Variants in OR3A2 observed in about 807,000 individuals in gnomAD.
OR3A2 encodes olfactory receptor family 3 subfamily A member 2, also known as olfactory receptor 3A2.
For synonymous variants in OR3A2, 126 were observed against 159.3 expected, an observed-to-expected ratio of 0.79 and a Z score of 1.57; for missense variants, 318 against 392.8, an observed-to-expected ratio of 0.81 and a Z score of 1.61.
rs1384726020 is a variant in OR3A2, at chr17:3,321,713, C to A, written c.-85+14320G>T. 2.0e-5 allele frequency among the ~76,000 whole-genome samples: 3 copies of A among 152,326 alleles called. No homozygotes were observed. The East Asian group carries it at 5.8e-4, about 29-fold the overall frequency. ...ATTGGCATATGTTGAACCAGCCTTG[C>A]ATCCCAGGGATGAAGCCCACTTGAT... On this transcript the variant is annotated intron_variant, in intron 3 of 4. Coordinates refer to the OR3A2 transcript ENST00000573491.
intron 2 of OR3A2, among the ~76,000 whole-genome samples, chr17:3,372,552 G>A (rs199555313): frequency 0.26 from 38,692 of 151,500 alleles, 6,027 homozygotes; most frequent in East Asian, 0.52. Context: ...CTGAGTGAAC[G>A]AGACTCCGTC....
chr17:3,304,300 C>G (rs1567548506), intron 3 of OR3A2, among the ~76,000 whole-genome samples: 1 of 152,186 alleles, frequency 6.6e-6, no homozygotes, highest in Non-Finnish European at 1.5e-5. Context: ...ACCTGCAGGA[C>G]TCTGGAGCTG....
chr17:3,346,794 T>C (rs1358820342), intron 2 of OR3A2, among the ~76,000 whole-genome samples: 1 of 152,202 alleles, frequency 6.6e-6, no homozygotes, highest in Non-Finnish European at 1.5e-5. Flanking sequence ...CACATGATGT[T>C]TGACTTCCTG....
At chr17:3,348,601 A>G (rs537119229) in intron 2 of OR3A2, among the ~76,000 whole-genome samples, 3 of 152,176 alleles carry the variant, frequency 2.0e-5, no homozygotes, top group South Asian at 2.1e-4. Context: ...GTTGGAAAAC[A>G]CTCTGCAGGA....
intron 3 of OR3A2, among the ~76,000 whole-genome samples, chr17:3,329,081 T>A (rs62091265): frequency 0.011 from 1,691 of 150,260 alleles, 23 homozygotes; most frequent in African/African-American, 0.038. Context: ...ATGGTGGATA[T>A]GCTTTTTGAT....
At chr17:3,288,061 A>G (rs1333334639), upstream of OR3A2, among the ~76,000 whole-genome samples, 1 of 151,714 alleles carries the variant, frequency 6.6e-6, no homozygotes, top group Non-Finnish European at 1.5e-5. Context: ...AGCATGACAT[A>G]AAACAAAGAA....
chr17:3,307,267 A>T (rs146725174), intron 3 of OR3A2, among the ~76,000 whole-genome samples: 3 of 152,354 alleles, frequency 2.0e-5, no homozygotes, highest in African/African-American at 7.2e-5. Context: ...TCAGAAAAGG[A>T]GACGACACAG....
intron 2 of OR3A2, among the ~76,000 whole-genome samples, chr17:3,341,391 G>A (rs8076296): frequency 0.15 from 23,012 of 152,178 alleles, 2,313 homozygotes; most frequent in African/African-American, 0.28. Context: ...TGTTTCTGCA[G>A]TGGCTAGTAC....
At chr17:3,329,503 G>A (rs187222973) in intron 3 of OR3A2, among the ~76,000 whole-genome samples, 7 of 135,344 alleles carry the variant, frequency 5.2e-5, no homozygotes, top group East Asian at 4.3e-4. Flanking sequence ...TTGTGTAGAG[G>A]TGTTTGTACT....
intron 3 of OR3A2, among the ~76,000 whole-genome samples, chr17:3,328,623 C>T (rs533253935): frequency 1.3e-5 from 2 of 148,542 alleles, no homozygotes; most frequent in Admixed American, 1.4e-4. Flanking sequence ...AGAGGGCATC[C>T]CTGCCTTGTG....
chr17:3,292,575 G>A (rs1324460975), intron 3 of OR3A2: 1 of 1,601,778 alleles, frequency 6.2e-7, no homozygotes, highest in Admixed American at 1.7e-5. Flanking sequence ...CCCAGATTCT[G>A]GCTGCATGAG....
intron 2 of OR3A2, among the ~76,000 whole-genome samples, chr17:3,379,606 G>T (rs911050395): frequency 2.0e-5 from 3 of 152,160 alleles, no homozygotes; most frequent in African/African-American, 7.2e-5. Context: ...GGAGCTCAGG[G>T]AAGGGCACCC....
In OR3A2 at chr17:3,386,253, C is replaced by G. The variant is rs61735160; in HGVS notation, c.-403G>C. ...AGATGTACTTCTTCGTGGCTCTGGG[C>G]ATCACCGAGAGCTACCTCCTGGCGG... On this transcript the variant is annotated 5_prime_UTR_variant, in exon 1 of 5. An upstream start codon of the reference 5' UTR is lost. Coordinates refer to the OR3A2 transcript ENST00000573491. 3 of 398,626 alleles carry G rather than the reference C, an allele frequency of 7.5e-6. No individual in the cohort carries two copies. Among genetic ancestry groups the G allele is most frequent in the Admixed American group, 4.4e-5 (1 of 22,716 alleles). The allele number at this position is 398,626 out of a possible 1,614,324, so 24.7% of individuals were successfully genotyped here. A position where few individuals can be genotyped will look rare whatever the true frequency, so the allele number is the denominator to read the frequency against.
chr17:3,338,990 G>T lies in OR3A2; in HGVS notation c.-178-2864C>A, dbSNP rs146780203. Among the ~76,000 whole-genome samples, 522 of 152,256 alleles carry T rather than the reference G, an allele frequency of 3.4e-3. 4 individuals are homozygous for T. Among genetic ancestry groups the T allele is most frequent in the Admixed American group, 5.4e-3 (83 of 15,292 alleles). On this transcript the variant is annotated intron_variant, in intron 2 of 4. Transcript: ENST00000573491. ...CTTGAAGAGGTCCTTCACAACCTTT[G>T]TAAGTTGGATTCCTAGGTATTTGAT... is the stretch of plus-strand genomic sequence containing the variant.
At chr17:3,346,641 C>G (rs886296966) in intron 2 of OR3A2, among the ~76,000 whole-genome samples, 3 of 152,024 alleles carry the variant, frequency 2.0e-5, no homozygotes, top group African/African-American at 7.2e-5. Flanking sequence ...TTCACTCTTT[C>G]CATGGTTTTT....
intron 3 of OR3A2, among the ~76,000 whole-genome samples, chr17:3,332,558 C>G (rs914857568): frequency 2.6e-5 from 4 of 152,244 alleles, no homozygotes; most frequent in Non-Finnish European, 4.4e-5. Context: ...CCTGCTTCAG[C>G]TGGCGCACGG....
intron 2 of OR3A2, among the ~76,000 whole-genome samples, chr17:3,361,181 T>C (rs1033432390): frequency 1.1e-4 from 17 of 149,620 alleles, no homozygotes; most frequent in Non-Finnish European, 1.5e-4. Flanking sequence ...TTTGAAGCAA[T>C]TGTGAATGGG....
At chr17:3,369,851 T>A (rs912891692) in intron 2 of OR3A2, among the ~76,000 whole-genome samples, 1 of 149,232 alleles carries the variant, frequency 6.7e-6, no homozygotes, top group African/African-American at 2.5e-5. Context: ...TCACCCAGGC[T>A]GGAGTGCAGT....
At chr17:3,359,419 C>G (rs2049490970) in intron 2 of OR3A2, among the ~76,000 whole-genome samples, 1 of 151,514 alleles carries the variant, frequency 6.6e-6, no homozygotes, top group South Asian at 2.1e-4. Flanking sequence ...AGTAGTCTTT[C>G]CTTTCTATAT....
Sources: allele counts gnomAD v4.1 joint callset (sites outside exome capture counted in the v4.1 genomes callset), GRCh38; gene constraint gnomAD v4.1.1; transcripts MANE v1.5; gene names NCBI Gene and HGNC (gene_info 2026-07-23, HGNC 2026-07-21).